ARHGEF4: variants seen among roughly 807,000 people sequenced by gnomAD.
ARHGEF4 encodes the protein APC-stimulated guanine nucleotide exchange factor 1.
A neutral mutation model predicts 162.0 loss-of-function variants in ARHGEF4; 119 were observed. The observed-to-expected ratio is 0.73, with a 90% confidence interval of 0.63 to 0.86. ARHGEF4 has a LOEUF of 0.86. ARHGEF4 is among the 40% of genes least tolerant of loss of function. The pLI, the probability that ARHGEF4 is intolerant of heterozygous loss-of-function variation, is 0.00. For missense variants in ARHGEF4, 2,488 were observed against 2,456.0 expected, an observed-to-expected ratio of 1.01 and a Z score of -0.28; for synonymous variants, 1,014 against 979.9, an observed-to-expected ratio of 1.03 and a Z score of -0.65.
intron 4 of ARHGEF4, among the ~76,000 whole-genome samples, chr2:131,006,037 T>C (rs1454847332): frequency 2.6e-5 from 4 of 151,940 alleles, no homozygotes; most frequent in Non-Finnish European, 5.9e-5. Context: ...CTAAGAGAGA[T>C]TGAAAGAGAA....
At chr2:130,839,947 A>G (rs1294492704) in intron 1 of ARHGEF4, among the ~76,000 whole-genome samples, 2 of 152,154 alleles carry the variant, frequency 1.3e-5, no homozygotes, top group Non-Finnish European at 2.9e-5. Context: ...GAAGACCCAC[A>G]TGAGGTCATC....
chr2:130,916,553 A>G lies in ARHGEF4; in HGVS notation c.2607A>G (p.Ala869=). The G allele has an allele frequency of 6.5e-7, 1 of 1,550,092 alleles. No homozygotes were observed. Among genetic ancestry groups the G allele is most frequent in the Non-Finnish European group, 8.7e-7 (1 of 1,146,812 alleles). ...CGCAGGCTGCAGGCGACAGGACTGC[A>G]GGGCCGGCAGGAGCGGGGCACACGG... is the stretch of plus-strand genomic sequence containing the variant. ...FVPQAAGDRT[A]GPAGAGHTGT... Residue 869 remains alanine, a synonymous_variant, in exon 2 of 14, where the codon GCA becomes GCG. Coordinates refer to ENST00000409359, the MANE Select transcript of ARHGEF4 (RefSeq NM_001367493.1).
intron 4 of ARHGEF4, among the ~76,000 whole-genome samples, chr2:130,956,148 G>A (rs546576734): frequency 6.6e-6 from 1 of 152,176 alleles, no homozygotes; most frequent in East Asian, 1.9e-4. Flanking sequence ...CCTACTGGGG[G>A]GTACCTCAAA....
At chr2:130,940,958 G>A (rs942703143) in intron 3 of ARHGEF4, among the ~76,000 whole-genome samples, 1 of 151,988 alleles carries the variant, frequency 6.6e-6, no homozygotes, top group Non-Finnish European at 1.5e-5. Context: ...CAGTATTCGA[G>A]GAACTCTGGG....
At chr2:130,949,816 T>C (rs1244539868) in intron 4 of ARHGEF4, among the ~76,000 whole-genome samples, 1 of 152,156 alleles carries the variant, frequency 6.6e-6, no homozygotes, top group Admixed American at 6.6e-5. Flanking sequence ...GCCCAGCTAA[T>C]TGTTGTATTT....
At chr2:130,905,591 C>G (rs1438968644) in intron 1 of ARHGEF4, among the ~76,000 whole-genome samples, 1 of 151,524 alleles carries the variant, frequency 6.6e-6, no homozygotes, top group Non-Finnish European at 1.5e-5. Flanking sequence ...TTAAAGCAGC[C>G]CCCCCAACTT....
At chr2:130,922,923 G>GGTATATATAT (rs1681973543) in intron 2 of ARHGEF4, among the ~76,000 whole-genome samples, 1 of 145,512 alleles carries the variant, frequency 6.9e-6, no homozygotes, top group African/African-American at 2.5e-5. Context: ...CCTCTTTAAT[G>GGTATATATAT]ATATATATAT....
At chr2:130,923,320 C>T in intron 2 of ARHGEF4, among the ~76,000 whole-genome samples, 1 of 152,180 alleles carries the variant, frequency 6.6e-6, no homozygotes, top group East Asian at 1.9e-4. Flanking sequence ...TGAAAAGAAT[C>T]CCTTAAATTA....
chr2:130,969,123 T>C (rs1685195880), intron 4 of ARHGEF4, among the ~76,000 whole-genome samples: 1 of 152,112 alleles, frequency 6.6e-6, no homozygotes, highest in Admixed American at 6.6e-5. Flanking sequence ...TTAAATGTGC[T>C]CAGAACACTT....
At chr2:130,894,704 CTA>C (rs774352754) in intron 1 of ARHGEF4, among the ~76,000 whole-genome samples, 19 of 151,910 alleles carry the variant, frequency 1.3e-4, no homozygotes, top group Non-Finnish European at 2.6e-4. Flanking sequence ...CTTAACAATA[CTA>C]TGAGTCAGGA....
At chr2:130,928,826 T>C (rs973228952) in intron 2 of ARHGEF4, among the ~76,000 whole-genome samples, 2 of 152,110 alleles carry the variant, frequency 1.3e-5, no homozygotes, top group South Asian at 4.1e-4. Flanking sequence ...ACTCAGATTA[T>C]CCCACCCCAA....
intron 4 of ARHGEF4, among the ~76,000 whole-genome samples, chr2:131,008,862 A>G (rs1688284984): frequency 6.6e-6 from 1 of 152,220 alleles, no homozygotes; most frequent in Admixed American, 6.5e-5. Context: ...TGTCATTTAT[A>G]TGCTCATCTA....
intron 4 of ARHGEF4, among the ~76,000 whole-genome samples, chr2:131,026,423 T>C (rs906668844): frequency 2.0e-5 from 3 of 152,094 alleles, no homozygotes; most frequent in African/African-American, 4.8e-5. Context: ...ACCTTAAAAA[T>C]AGTAACAAGC....
intron 1 of ARHGEF4, among the ~76,000 whole-genome samples, chr2:130,843,289 A>C (rs182377226): frequency 6.0e-4 from 91 of 152,268 alleles, no homozygotes; most frequent in Middle Eastern, 3.4e-3. Flanking sequence ...GGCCTCTGCC[A>C]GGGAGCCACC....
intron 4 of ARHGEF4, among the ~76,000 whole-genome samples, chr2:131,019,643 T>TC (rs1463609654): frequency 3.5e-4 from 13 of 37,064 alleles, no homozygotes; most frequent in African/African-American, 4.3e-4. Context: ...TTTTTGTTTT[T>TC]GTTTTTTTGA....
At chr2:131,025,555 G>C (rs929081228) in intron 4 of ARHGEF4, among the ~76,000 whole-genome samples, 19 of 152,202 alleles carry the variant, frequency 1.2e-4, no homozygotes, top group African/African-American at 4.3e-4. Context: ...CTGTTCAAGT[G>C]TTCATCCTTC....
At chr2:130,913,965 C>T (rs1681346541) in intron 1 of ARHGEF4, 21 bp from the exon 2 acceptor site, 1 of 1,535,802 alleles carries the variant, frequency 6.5e-7, no homozygotes, top group Admixed American at 2.0e-5. Flanking sequence ...GTCTCTGACT[C>T]CTCTCTTCTT....
intron 6 of ARHGEF4, chr2:131,039,796 T>A: frequency 1.4e-6 from 2 of 1,403,740 alleles, no homozygotes; most frequent in East Asian, 5.6e-5. Flanking sequence ...AAATCGGTAT[T>A]CGGATCACAC....
At chr2:130,903,344 T>C (rs1180454014) in intron 1 of ARHGEF4, among the ~76,000 whole-genome samples, 1 of 151,582 alleles carries the variant, frequency 6.6e-6, no homozygotes, top group Admixed American at 6.6e-5. Context: ...CTGAAACCTC[T>C]CCCTCCCGGG....
Sources: gnomAD v4.1 joint callset for allele counts (sites outside exome capture counted in the v4.1 genomes callset) on GRCh38, gnomAD v4.1.1 for gene constraint, MANE v1.5 for transcripts, NCBI Gene and HGNC (gene_info 2026-07-23, HGNC 2026-07-21) for gene names.